DTWD2: variants seen among roughly 807,000 people sequenced by gnomAD.
DTWD2 encodes the protein DTW motif tRNA-uridine aminocarboxypropyltransferase 2, also known as tRNA-uridine aminocarboxypropyltransferase 2.
DTWD2 carries 39 observed loss-of-function variants against 31.8 expected under a neutral mutation model. The observed-to-expected ratio is 1.22, with a 90% CI of 0.95 to 1.60. The LOEUF is 1.60. Ranked by LOEUF, DTWD2 falls within the 40% of genes most tolerant of loss-of-function variation. DTWD2 has a pLI of 0.00. For synonymous variants in DTWD2, 180 were observed against 142.8 expected (o/e 1.26, Z -1.86); for missense variants, 515 against 381.5 (o/e 1.35, Z -2.92).
chr5:118,863,680 G>A (rs544421625), intron 4 of DTWD2, among the ~76,000 whole-genome samples: 16 of 152,288 alleles, frequency 1.1e-4, no homozygotes, highest in African/African-American at 3.9e-4. Context: ...AAGACATGCA[G>A]CTTGAGATGA....
chr5:118,927,097 G>A lies in DTWD2; in HGVS notation c.597+1440C>T, dbSNP rs182526186. ...GAGAGAGAGAGAGACAAAGAGAGACGGAGAGAGACAGAGAGCAAAAAGGAA... is the reference window on the plus strand; with the variant it reads ...GAGAGAGAGAGAGACAAAGAGAGACAGAGAGAGACAGAGAGCAAAAAGGAA... On this transcript the variant is annotated intron_variant, in intron 4 of 5. Coordinates refer to ENST00000510708, the MANE Select transcript of DTWD2 (RefSeq NM_173666.4). 1.3e-4 allele frequency among the ~76,000 whole-genome samples: 20 copies of A among 152,154 alleles called. 1 individual carries two copies. In the East Asian group the frequency reaches 2.9e-3, roughly 22 times the overall value.
At chr5:118,928,792 T>C (rs1221372565) in intron 3 of DTWD2, 63 bp from the exon 4 acceptor site, 2 of 1,301,104 alleles carry the variant, frequency 1.5e-6, no homozygotes, top group East Asian at 4.9e-5. Context: ...TTTATTATGC[T>C]TACTGAATTT....
chr5:118,942,337 C>T (rs1369052528), intron 2 of DTWD2, among the ~76,000 whole-genome samples: 1 of 151,592 alleles, frequency 6.6e-6, no homozygotes, highest in African/African-American at 2.4e-5. Flanking sequence ...AGCGAGACCC[C>T]GTTCTTAAAA....
intron 3 of DTWD2, among the ~76,000 whole-genome samples, chr5:118,930,022 T>C (rs1353418762): frequency 2.0e-5 from 3 of 152,210 alleles, no homozygotes; most frequent in African/African-American, 4.8e-5. Flanking sequence ...GCCCCTATTC[T>C]TTCTGTAAAC....
intron 4 of DTWD2, among the ~76,000 whole-genome samples, chr5:118,849,930 G>T (rs1751958615): frequency 6.6e-6 from 1 of 151,846 alleles, no homozygotes; most frequent in Non-Finnish European, 1.5e-5. Context: ...TAATGTAGAT[G>T]ATGGGTTGAG....
At chr5:118,985,490 TTATATATATATATATATA>T (rs56393420) in intron 1 of DTWD2, among the ~76,000 whole-genome samples, 1 of 95,418 alleles carries the variant, frequency 1.0e-5, no homozygotes, top group Non-Finnish European at 2.2e-5. Context: ...ATGTGCATTT[TTATATATATATATATATA>T]TATATATATA....
chr5:118,980,436 T>C (rs1291603261), intron 1 of DTWD2, among the ~76,000 whole-genome samples: 4 of 152,210 alleles, frequency 2.6e-5, no homozygotes, highest in Non-Finnish European at 5.9e-5. Context: ...GAATTTCATG[T>C]CTTTTGCCAG....
At chr5:118,862,448 A>G (rs1580772723) in intron 4 of DTWD2, among the ~76,000 whole-genome samples, 1 of 152,174 alleles carries the variant, frequency 6.6e-6, no homozygotes, top group African/African-American at 2.4e-5. Flanking sequence ...GGCCGATGTA[A>G]ATGAGAAGGT....
Position 118,885,811 on chromosome 5 carries a change from A to G in DTWD2, c.598-37593T>C, listed in dbSNP as rs766794980. 1.4e-3 allele frequency among the ~76,000 whole-genome samples: 207 copies of G among 151,852 alleles called. 1 individual carries two copies. The highest frequency in any genetic ancestry group is 2.4e-3 in the Non-Finnish European group (166 of 67,910). Reference sequence around the variant, plus strand: ...AATAAAAAATAAATATAAAAAATAAATAAATTAGCCAGGCATGGTAACATG... The same window carrying G: ...AATAAAAAATAAATATAAAAAATAAGTAAATTAGCCAGGCATGGTAACATG... On this transcript the variant is annotated intron_variant, in intron 4 of 5. Transcript: ENST00000510708.
At chr5:118,918,472 A>AG (rs11443423) in intron 4 of DTWD2, among the ~76,000 whole-genome samples, 25,398 of 150,198 alleles carry the variant, frequency 0.17, 2,865 homozygotes, top group African/African-American at 0.32. Context: ...CCGTCTCAAG[A>AG]GAAAAAAAAA....
At chr5:118,930,718 C>CT (rs1160131968) in intron 3 of DTWD2, among the ~76,000 whole-genome samples, 1 of 152,014 alleles carries the variant, frequency 6.6e-6, no homozygotes, top group Admixed American at 6.6e-5. Flanking sequence ...AAACATTATG[C>CT]TAAGTGAAAG....
chr5:118,862,739 G>C (rs929625145), intron 4 of DTWD2, among the ~76,000 whole-genome samples: 1 of 152,088 alleles, frequency 6.6e-6, no homozygotes, highest in East Asian at 1.9e-4. Flanking sequence ...AATTAACAAA[G>C]TACTCAGAGA....
At chr5:118,981,026 G>A (rs189951612) in intron 1 of DTWD2, among the ~76,000 whole-genome samples, 2 of 152,162 alleles carry the variant, frequency 1.3e-5, no homozygotes, top group Non-Finnish European at 2.9e-5. Flanking sequence ...ACAGAATTCA[G>A]TGAAATTTTC....
At chr5:118,909,547 G>A (rs1411174951) in intron 4 of DTWD2, among the ~76,000 whole-genome samples, 2 of 152,196 alleles carry the variant, frequency 1.3e-5, no homozygotes, top group Non-Finnish European at 2.9e-5. Flanking sequence ...AACCAGGGCA[G>A]CCACCCCACA....
chr5:118,908,706 A>G (rs1753389673), intron 4 of DTWD2, among the ~76,000 whole-genome samples: 1 of 152,118 alleles, frequency 6.6e-6, no homozygotes, highest in Non-Finnish European at 1.5e-5. Flanking sequence ...AATGAACAAA[A>G]GTAATAGAAA....
chr5:118,974,258 C>A, intron 1 of DTWD2: 2 of 779,980 alleles, frequency 2.6e-6, no homozygotes, highest in Non-Finnish European at 4.3e-6. Context: ...GACAGTGCCA[C>A]CCGCAGATGA....
chr5:118,885,571 G>A (rs1284854848), intron 4 of DTWD2, among the ~76,000 whole-genome samples: 1 of 150,972 alleles, frequency 6.6e-6, no homozygotes, highest in Non-Finnish European at 1.5e-5. Context: ...TTTGAGACCA[G>A]CCTGGCCAAC....
intron 5 of DTWD2, among the ~76,000 whole-genome samples, chr5:118,844,071 T>C (rs1751789852): frequency 2.0e-5 from 3 of 152,194 alleles, no homozygotes; most frequent in African/African-American, 7.2e-5. Flanking sequence ...TGACTGCAAA[T>C]CAGCAGAGGT....
At chr5:118,871,064 T>C (rs1752490802) in intron 4 of DTWD2, among the ~76,000 whole-genome samples, 1 of 152,092 alleles carries the variant, frequency 6.6e-6, no homozygotes, top group Non-Finnish European at 1.5e-5. Flanking sequence ...ATCTCAACAA[T>C]GTTCACAGCA....
Sources: allele counts gnomAD v4.1 joint callset (sites outside exome capture counted in the v4.1 genomes callset), GRCh38; gene constraint gnomAD v4.1.1; transcripts MANE v1.5; gene names NCBI Gene and HGNC (gene_info 2026-07-23, HGNC 2026-07-21).